The following TNNI3K variants were observed in gnomAD, a reference collection of about 807,000 sequenced individuals.
The protein encoded by TNNI3K is serine/threonine-protein kinase TNNI3K.
A neutral mutation model predicts 114.5 loss-of-function variants in TNNI3K; 140 were observed. The ratio of observed to expected loss-of-function variants is 1.22; its 90% CI spans 1.07 to 1.41. The LOEUF (loss-of-function observed/expected upper bound fraction) is 1.41, where lower values mean the gene tolerates loss of function less well. Among genes scored for constraint, TNNI3K ranks in the 40% most tolerant of loss-of-function variants. The pLI is 0.00. For synonymous variants in TNNI3K, 347 were observed against 347.5 expected (o/e 1.00, Z 0.02); for missense variants, 1,125 against 1,007.6 (o/e 1.12, Z -1.58).
chr1:74,342,260 C>G (rs1181232111), intron 7 of TNNI3K, among the ~76,000 whole-genome samples: 1 of 152,114 alleles, frequency 6.6e-6, no homozygotes. Flanking sequence ...TTTTAAATAA[C>G]CTGTCTAAAG....
chr1:74,383,431 C>T (rs1663307742), intron 17 of TNNI3K, among the ~76,000 whole-genome samples: 1 of 152,064 alleles, frequency 6.6e-6, no homozygotes, highest in South Asian at 2.1e-4. Flanking sequence ...TCGCCCCTGC[C>T]TTACCTCTCT....
intron 20 of TNNI3K, among the ~76,000 whole-genome samples, chr1:74,444,940 A>G (rs1570628144): frequency 6.6e-6 from 1 of 151,996 alleles, no homozygotes; most frequent in Admixed American, 6.6e-5. Flanking sequence ...GCAATGGGGA[A>G]CCCTATTTAA....
intron 2 of TNNI3K, among the ~76,000 whole-genome samples, chr1:74,239,311 G>A (rs1654043588): frequency 6.6e-6 from 1 of 152,116 alleles, no homozygotes; most frequent in African/African-American, 2.4e-5. Context: ...GAAAAGAATA[G>A]TGTGCTGAGA....
At chr1:74,465,054 G>T in intron 21 of TNNI3K, 1 of 1,010,834 alleles carries the variant, frequency 9.9e-7, no homozygotes, top group Non-Finnish European at 1.2e-6. Flanking sequence ...CTCAGAAAAA[G>T]TATGTCAAGC....
At chr1:74,293,537 G>C (rs1206408202) in intron 5 of TNNI3K, among the ~76,000 whole-genome samples, 1 of 151,204 alleles carries the variant, frequency 6.6e-6, no homozygotes, top group Admixed American at 6.6e-5. Flanking sequence ...TTTGTTTCTT[G>C]TTGCTAATGA....
intron 5 of TNNI3K, among the ~76,000 whole-genome samples, chr1:74,309,868 A>C (rs1272404626): frequency 6.6e-6 from 1 of 152,210 alleles, no homozygotes; most frequent in Non-Finnish European, 1.5e-5. Flanking sequence ...AAAGGGCAAA[A>C]GTTGGAAACA....
intron 4 of TNNI3K, among the ~76,000 whole-genome samples, chr1:74,254,129 C>A (rs1399235188): frequency 1.3e-5 from 2 of 152,262 alleles, no homozygotes; most frequent in East Asian, 1.9e-4. Flanking sequence ...TATCCAGGTT[C>A]ATTAACTGTT....
chr1:74,253,697 G>GC (rs1427606138), intron 4 of TNNI3K, among the ~76,000 whole-genome samples: 1 of 151,564 alleles, frequency 6.6e-6, no homozygotes. Flanking sequence ...CGCAAGCCCC[G>GC]CCGTGCGGCC....
chr1:74,540,375 T>C, intron 24 of TNNI3K, 62 bp downstream of exon 24: 1 of 1,514,406 alleles, frequency 6.6e-7, no homozygotes, highest in Non-Finnish European at 9.0e-7. Flanking sequence ...GATGTCTATT[T>C]GACAAAAAGG....
At chr1:74,399,791 C>T (rs1028416256) in intron 17 of TNNI3K, among the ~76,000 whole-genome samples, 7 of 152,142 alleles carry the variant, frequency 4.6e-5, no homozygotes, top group African/African-American at 1.7e-4. Context: ...AGAGGGTTCA[C>T]AATTATTGGA....
chr1:74,291,363 A>G (rs1390938095), intron 5 of TNNI3K, among the ~76,000 whole-genome samples: 1 of 151,584 alleles, frequency 6.6e-6, no homozygotes, highest in Non-Finnish European at 1.5e-5. Flanking sequence ...GTGATCACTT[A>G]TGACATTTTA....
At chr1:74,239,879 G>A (rs149986178) in intron 2 of TNNI3K, 2 of 458,990 alleles carry the variant, frequency 4.4e-6, no homozygotes, top group Non-Finnish European at 9.1e-6. Context: ...GTGGGAGAGA[G>A]GGGAAATGGA....
At chr1:74,361,015 T>C (rs1372654766) in intron 11 of TNNI3K, among the ~76,000 whole-genome samples, 1 of 152,104 alleles carries the variant, frequency 6.6e-6, no homozygotes, top group East Asian at 1.9e-4. Flanking sequence ...ACAACATTCT[T>C]TTCCATGTTC....
chr1:74,380,026 A>G (rs148073867), intron 17 of TNNI3K, among the ~76,000 whole-genome samples: 1 of 152,150 alleles, frequency 6.6e-6, no homozygotes, highest in African/African-American at 2.4e-5. Context: ...GAAAACAGGT[A>G]TATTTAAGTC....
At chr1:74,436,595 G>A (rs1357304360) in intron 19 of TNNI3K, 69 bp downstream of exon 19, 33 of 1,493,260 alleles carry the variant, frequency 2.2e-5, no homozygotes, top group African/African-American at 1.7e-4. Flanking sequence ...ATGAGAGGAC[G>A]TAAGATGAGA....
intron 5 of TNNI3K, among the ~76,000 whole-genome samples, chr1:74,298,909 T>G (rs1327548821): frequency 2.0e-5 from 3 of 152,120 alleles, no homozygotes; most frequent in Non-Finnish European, 4.4e-5. Flanking sequence ...AAGATACCAG[T>G]TGGCAGATTT....
chr1:74,540,368 G>C, intron 24 of TNNI3K, 55 bp downstream of exon 24: 1 of 1,549,800 alleles, frequency 6.5e-7, no homozygotes. Context: ...GGAAGGTGAT[G>C]TCTATTTGAC....
At chr1:74,270,522 A>G (rs1168670678) in intron 4 of TNNI3K, among the ~76,000 whole-genome samples, 1 of 151,862 alleles carries the variant, frequency 6.6e-6, no homozygotes, top group African/African-American at 2.4e-5. Context: ...TGGAGACTAT[A>G]ACATTAATTT....
At position 74,462,341 on chromosome 1, in the gene TNNI3K, A is replaced by C. The variant is rs529117797; in HGVS notation, c.2012-1100A>C. Reference sequence around the variant, plus strand: ...TATCTCAAAAGTCATTAAGATATAGACAGATGCTTACAATACCACAATCTA... The same window carrying C: ...TATCTCAAAAGTCATTAAGATATAGCCAGATGCTTACAATACCACAATCTA... On this transcript the variant is annotated intron_variant, in intron 20 of 24. Transcript: ENST00000326637. 8.5e-5 allele frequency among the ~76,000 whole-genome samples: 13 copies of C among 152,324 alleles called. No homozygotes were observed. The East Asian group carries it at 2.5e-3, about 29-fold the overall frequency.
Sources: gnomAD v4.1 joint callset for allele counts (sites outside exome capture counted in the v4.1 genomes callset) on GRCh38, gnomAD v4.1.1 for gene constraint, MANE v1.5 for transcripts, NCBI Gene and HGNC (gene_info 2026-07-23, HGNC 2026-07-21) for gene names.